KLC1: variants seen among roughly 807,000 people sequenced by gnomAD.
KLC1 encodes kinesin 2 60/70kDa.
In KLC1, 30 loss-of-function variants were observed where a neutral mutation model predicts 84.2. The ratio of observed to expected loss-of-function variants is 0.36; its 90% CI spans 0.27 to 0.48. The LOEUF is 0.48. KLC1 is among the 20% of genes least tolerant of loss of function. The pLI, the probability that KLC1 is intolerant of heterozygous loss-of-function variation, is 0.99. For missense variants in KLC1, 499 were observed against 805.4 expected (o/e 0.62, Z 4.60); for synonymous variants, 289 against 293.3 (o/e 0.99, Z 0.15).
In KLC1 at chr14:103,672,947, G is replaced by A; in HGVS notation, c.988-67G>A. ...TGTTGAGGAAGATCCTGATGTGACA[G>A]TAGGGTGGAGAATGGATTGGATGGA... On this transcript the variant is annotated intron_variant, in intron 7 of 16. Transcript: ENST00000334553. 2.8e-6 allele frequency: 4 copies of A among 1,403,540 alleles called. No individual in the cohort carries two copies. The South Asian group carries it at 4.8e-5, about 17-fold the overall frequency. The allele number at this position is 1,403,540 out of a possible 1,614,324, so 86.9% of individuals were successfully genotyped here.
chr14:103,684,786 C>G, intron 13 of KLC1: 1 of 573,628 alleles, frequency 1.7e-6, no homozygotes, highest in Non-Finnish European at 3.2e-6. Flanking sequence ...CTGTGTTCTG[C>G]CAAGCATTTA....
chr14:103,694,592 C>T lies in KLC1; in HGVS notation c.1848+2167C>T, dbSNP rs190440868. ...ATAGGTAAAGAGCATACAAAACAGA[C>T]GCCGAGGTGATCAGTGATTCCAAAG... is the stretch of plus-strand genomic sequence containing the variant. On this transcript the variant is annotated intron_variant, in intron 15 of 16. Coordinates refer to ENST00000334553, the MANE Select transcript of KLC1 (RefSeq NM_001394837.1). The surrounding 1 kb of genome is among the most constrained non-coding windows in gnomAD (Gnocchi z 4.5). 1.8e-5 allele frequency: 18 copies of T among 985,498 alleles called. No individual in the cohort carries two copies. Among genetic ancestry groups the T allele is most frequent in the East Asian group, 1.1e-4 (1 of 8,822 alleles). The allele number at this position is 985,498 out of a possible 1,614,324, so 61.0% of individuals were successfully genotyped here. A position where few individuals can be genotyped will look rare whatever the true frequency, so the allele number is the denominator to read the frequency against.
chr14:103,673,299 G>A (rs761795295), intron 8 of KLC1, 33 bp from the exon 9 acceptor site: 2 of 1,541,762 alleles, frequency 1.3e-6, no homozygotes, highest in African/African-American at 1.4e-5. Context: ...ACATCTGAAA[G>A]ATATGAAATA....
chr14:103,700,093 G>A (rs867375504), intron 15 of KLC1: 12 of 218,506 alleles, frequency 5.5e-5, no homozygotes, highest in Non-Finnish European at 8.4e-5. Flanking sequence ...CCCTTCAGGC[G>A]TTACTCAGGC....
At position 103,654,568 on chromosome 14, in the gene KLC1, T is replaced by C. The variant is rs1388620396; in HGVS notation, c.4T>C (p.Tyr2His). Residue 2 changes from tyrosine to histidine, a missense_variant, in exon 2 of 17, where the codon TAT becomes CAT. By Grantham distance (83) the Tyr-to-His change is moderately conservative. Transcript: ENST00000334553. ...CTTTTTCTTTTTTCATTCCAGAATG[T>C]ATGACAACATGTCCACAATGGTGTA... M[Y>H]DNMSTMVYIK... 1 of 1,599,426 alleles carries C rather than the reference T, an allele frequency of 6.3e-7. No individual in the cohort carries two copies. The highest frequency in any genetic ancestry group is 1.1e-5 in the South Asian group (1 of 88,766).
intron 5 of KLC1, among the ~76,000 whole-genome samples, chr14:103,665,232 G>C (rs1374749585): frequency 6.6e-6 from 1 of 151,058 alleles, no homozygotes; most frequent in East Asian, 1.9e-4. Flanking sequence ...TTGATTGGTT[G>C]TAGAGATGGA....
intron 1 of KLC1, among the ~76,000 whole-genome samples, chr14:103,647,354 G>C (rs1243649686): frequency 6.6e-6 from 1 of 151,896 alleles, no homozygotes; most frequent in Non-Finnish European, 1.5e-5. Flanking sequence ...CTCCTGAGTA[G>C]CTGAGACTAC....
intron 1 of KLC1, among the ~76,000 whole-genome samples, chr14:103,632,594 G>T (rs2076767438): frequency 6.6e-6 from 1 of 151,924 alleles, no homozygotes; most frequent in African/African-American, 2.4e-5. Context: ...GGTGGCGGGT[G>T]CCTCTAATCG....
At chr14:103,662,636 A>T in intron 4 of KLC1, 66 bp from the exon 5 acceptor site, 3 of 1,282,854 alleles carry the variant, frequency 2.3e-6, no homozygotes, top group South Asian at 1.4e-5. Context: ...AGATAATTTT[A>T]AAGAAACTGA....
At chr14:103,652,256 G>GT (rs753636157) in intron 1 of KLC1, among the ~76,000 whole-genome samples, 3 of 152,090 alleles carry the variant, frequency 2.0e-5, no homozygotes, top group African/African-American at 4.8e-5. Context: ...TTTTAATCTT[G>GT]TTTGTTGAAA....
intron 15 of KLC1, chr14:103,699,877 C>T (rs541439396): frequency 4.2e-5 from 19 of 447,362 alleles, no homozygotes; most frequent in East Asian, 4.1e-4. Context: ...GTGTCCTTTG[C>T]GCAGGCTCCT....
intron 1 of KLC1, among the ~76,000 whole-genome samples, chr14:103,632,007 G>C (rs1307489316): frequency 3.3e-5 from 5 of 152,182 alleles, no homozygotes; most frequent in Non-Finnish European, 7.4e-5. Flanking sequence ...AAAGTGACAA[G>C]CACATTAAGA....
chr14:103,648,012 G>A (rs899461021), intron 1 of KLC1, among the ~76,000 whole-genome samples: 1 of 151,012 alleles, frequency 6.6e-6, no homozygotes, highest in Admixed American at 6.6e-5. Flanking sequence ...GTGCAGTGGC[G>A]CGATCTCGGC....
chr14:103,635,376 G>A (rs777878877), intron 1 of KLC1, among the ~76,000 whole-genome samples: 1 of 152,174 alleles, frequency 6.6e-6, no homozygotes, highest in Non-Finnish European at 1.5e-5. Context: ...TGTAGTTTCA[G>A]TTACTCCGAA....
At chr14:103,685,084 T>G (rs2081672319) in intron 13 of KLC1, 1 of 1,537,494 alleles carries the variant, frequency 6.5e-7, no homozygotes, top group Non-Finnish European at 8.8e-7. Flanking sequence ...GGCGCTTCTG[T>G]CGAGACGTCG....
chr14:103,633,735 T>A (rs1397098707), intron 1 of KLC1, among the ~76,000 whole-genome samples: 1 of 152,194 alleles, frequency 6.6e-6, no homozygotes, highest in East Asian at 1.9e-4. Flanking sequence ...TCCAGGTGCA[T>A]CTGGAGTTCT....
chr14:103,647,510 A>G (rs1442980199), intron 1 of KLC1, among the ~76,000 whole-genome samples: 2 of 152,024 alleles, frequency 1.3e-5, no homozygotes, highest in Non-Finnish European at 2.9e-5. Context: ...GATTACAGGG[A>G]GAGCCACTGT....
At chr14:103,669,308 G>T (rs1022677698) in intron 5 of KLC1, among the ~76,000 whole-genome samples, 1 of 151,768 alleles carries the variant, frequency 6.6e-6, no homozygotes, top group African/African-American at 2.4e-5. Context: ...GGTGACAGAT[G>T]CCTGTAATCC....
chr14:103,657,397 G>A (rs2078918072), intron 2 of KLC1, 149 bp from the exon 3 acceptor site: 2 of 606,352 alleles, frequency 3.3e-6, no homozygotes, highest in Admixed American at 3.0e-5. Context: ...GGGGAAAAGA[G>A]AAGTAAATGG....
Sources: allele counts gnomAD v4.1 joint callset (sites outside exome capture counted in the v4.1 genomes callset), GRCh38; gene constraint gnomAD v4.1.1; non-coding constraint Gnocchi (gnomAD v3.1); transcripts MANE v1.5; gene names NCBI Gene and HGNC (gene_info 2026-07-23, HGNC 2026-07-21).